The following GIGYF2 variants were observed in gnomAD, a reference collection of about 807,000 sequenced individuals.
GIGYF2 encodes the protein GRB10 interacting GYF protein 2, also known as GRB10-interacting GYF protein 2.
GIGYF2 carries 25 observed loss-of-function variants against 208.1 expected under a neutral mutation model. The ratio of observed to expected loss-of-function variants is 0.12; its 90% confidence interval spans 0.09 to 0.17. The LOEUF (loss-of-function observed/expected upper bound fraction) is 0.17. Among genes scored for constraint, GIGYF2 ranks in the 10% least tolerant of loss-of-function variants. The pLI is 1.00. For missense variants in GIGYF2, 1,302 were observed against 1,579.4 expected (o/e 0.82, Z 2.98); for synonymous variants, 534 against 543.8 (o/e 0.98, Z 0.25).
At position 232,810,471 on chromosome 2, in the gene GIGYF2, A is replaced by T. The variant is rs527603965; in HGVS notation, c.1898+660A>T. 3 of 153,462 alleles carry T rather than the reference A, an allele frequency of 2.0e-5. No individual in the cohort carries two copies. In the East Asian group the frequency reaches 5.8e-4, roughly 29 times the overall value. The allele number at this position is 153,462 out of a possible 1,614,324, so 9.5% of individuals were successfully genotyped here. A position where few individuals can be genotyped will look rare whatever the true frequency, so the allele number is the denominator to read the frequency against. The stretch of plus-strand genomic sequence containing the variant: ...GTTAATTATTTTAGGAGTGGTGTGG[A>T]ATGATGGCAAAGTCAGTCAGGTTTT... On this transcript the variant is annotated intron_variant, in intron 16 of 28. Coordinates refer to ENST00000373563, the MANE Select transcript of GIGYF2 (RefSeq NM_001103146.3).
At chr2:232,820,350 T>TG (rs1701040763) in intron 21 of GIGYF2, among the ~76,000 whole-genome samples, 1 of 150,050 alleles carries the variant, frequency 6.7e-6, no homozygotes, top group Non-Finnish European at 1.5e-5. Context: ...AGTCTCACTC[T>TG]GTCGCCCAGG....
chr2:232,729,631 A>G (rs1303863487), intron 2 of GIGYF2: 16 of 1,121,358 alleles, frequency 1.4e-5, no homozygotes, highest in Admixed American at 3.6e-5. Context: ...CAACTTCACA[A>G]CGTATTTGAA....
At chr2:232,712,419 C>A (rs186012028) in intron 2 of GIGYF2, among the ~76,000 whole-genome samples, 194 of 152,174 alleles carry the variant, frequency 1.3e-3, no homozygotes, top group African/African-American at 4.6e-3. Context: ...GTTTTTATTC[C>A]CTCGTCATGG....
chr2:232,804,285 GTCTA>G (rs145437443), intron 14 of GIGYF2, among the ~76,000 whole-genome samples: 47,835 of 151,036 alleles, frequency 0.32, 7,882 homozygotes, highest in South Asian at 0.62. Context: ...AACTTGGTAT[GTCTA>G]TCTGTGTTGT....
rs3062047 is a variant in GIGYF2, at chr2:232,781,287, TACACACACACAC to T, written c.533-5839_533-5828del. ...TATTTATTTTAAATTATATCAGGAA[TACACACACACAC>T]ACACACACACACACACACACACAAC... On this transcript the variant is annotated intron_variant, in intron 8 of 28. Transcript: ENST00000373563. 1.1e-3 allele frequency among the ~76,000 whole-genome samples: 137 copies of T among 127,116 alleles called. 3 individuals carry two copies. In the South Asian group the frequency reaches 0.036, roughly 33 times the overall value. 83.4% of individuals were successfully genotyped at this position (127,116 alleles called of 152,430 possible).
At chr2:232,735,059 G>A (rs762405297) in intron 2 of GIGYF2, 96 bp from the exon 3 acceptor site, 1 of 664,534 alleles carries the variant, frequency 1.5e-6, no homozygotes, top group Non-Finnish European at 2.7e-6. Context: ...CTAGTTGAGA[G>A]GAGCATAAAT....
At chr2:232,790,640 C>G (rs954884752) in intron 9 of GIGYF2, 58 bp from the exon 10 acceptor site, 1 of 1,361,184 alleles carries the variant, frequency 7.3e-7, no homozygotes, top group Non-Finnish European at 1.1e-6. Flanking sequence ...TCCTGATTTT[C>G]TTATTCAAAT....
At chr2:232,784,388 T>TTC (rs1553613385) in intron 8 of GIGYF2, among the ~76,000 whole-genome samples, 1 of 105,162 alleles carries the variant, frequency 9.5e-6, no homozygotes, top group Non-Finnish European at 1.8e-5. Context: ...AATAATTTCT[T>TTC]TTTTTTTTTT....
At chr2:232,742,272 G>A (rs998453636) in intron 3 of GIGYF2, among the ~76,000 whole-genome samples, 3 of 152,298 alleles carry the variant, frequency 2.0e-5, no homozygotes, top group Admixed American at 6.5e-5. Context: ...TGGGCGCAGT[G>A]GCTCACCCCT....
In GIGYF2 at chr2:232,815,689, C is replaced by G; in HGVS notation, c.2160C>G (p.Gly720=). 6.2e-7 allele frequency: 1 copy of G among 1,608,404 alleles called. No homozygotes were observed. Among genetic ancestry groups the G allele is most frequent in the Non-Finnish European group, 8.5e-7 (1 of 1,174,778 alleles). The change falls in exon 19 of 29, where the codon GGC becomes GGG. Residue 720 remains glycine, a synonymous_variant. Coordinates refer to ENST00000373563, the MANE Select transcript of GIGYF2 (RefSeq NM_001103146.3). The part of the protein sequence containing the change: ...WDLPLDTTTP[G]PALEQLQQLE... ...TTCCTCTGGACACCACGACACCAGG[C>G]CCTGCCCTGGAACAGCTTCAGCAGC...
intron 3 of GIGYF2, among the ~76,000 whole-genome samples, chr2:232,742,377 C>A (rs1272712056): frequency 1.3e-5 from 2 of 152,128 alleles, no homozygotes; most frequent in African/African-American, 4.8e-5. Context: ...CCCATCTCTA[C>A]TAAAAATACA....
chr2:232,742,146 A>G (rs1697991155), intron 3 of GIGYF2, among the ~76,000 whole-genome samples: 1 of 152,254 alleles, frequency 6.6e-6, no homozygotes, highest in African/African-American at 2.4e-5. Context: ...TTCATGATGC[A>G]TAATGTTTAC....
chr2:232,814,739 A>T (rs1007120146), intron 18 of GIGYF2, among the ~76,000 whole-genome samples: 1 of 152,194 alleles, frequency 6.6e-6, no homozygotes, highest in African/African-American at 2.4e-5. Flanking sequence ...AGCATTTTGG[A>T]TAATGGATCC....
At chr2:232,817,686 T>C (rs1170966042) in intron 20 of GIGYF2, among the ~76,000 whole-genome samples, 1 of 152,252 alleles carries the variant, frequency 6.6e-6, no homozygotes, top group African/African-American at 2.4e-5. Context: ...TTATTCATAT[T>C]GTAGCATATA....
intron 8 of GIGYF2, 64 bp from the exon 9 acceptor site, chr2:232,787,086 G>T: frequency 8.3e-7 from 1 of 1,199,092 alleles, no homozygotes; most frequent in Middle Eastern, 1.9e-4. Flanking sequence ...GAGCTGTGAA[G>T]TTTGTTTTCA....
At chr2:232,839,528 CT>C (rs1307111128) in intron 22 of GIGYF2, among the ~76,000 whole-genome samples, 1 of 152,084 alleles carries the variant, frequency 6.6e-6, no homozygotes, top group Non-Finnish European at 1.5e-5. Context: ...TTGTTTACTC[CT>C]CTTTATGGTT....
intron 21 of GIGYF2, among the ~76,000 whole-genome samples, chr2:232,826,896 A>C (rs1574929862): frequency 6.6e-6 from 1 of 152,194 alleles, no homozygotes; most frequent in Non-Finnish European, 1.5e-5. Context: ...AGCAACCACC[A>C]CCCTGATCAG....
At chr2:232,774,661 C>T (rs1169840006) in intron 8 of GIGYF2, among the ~76,000 whole-genome samples, 1 of 152,142 alleles carries the variant, frequency 6.6e-6, no homozygotes, top group East Asian at 1.9e-4. Context: ...TGTCATTCTC[C>T]ACTGTTGTTG....
chr2:232,752,571 C>T (rs1171038627), intron 5 of GIGYF2, among the ~76,000 whole-genome samples: 1 of 151,992 alleles, frequency 6.6e-6, no homozygotes, highest in Non-Finnish European at 1.5e-5. Context: ...GACAGAGTCT[C>T]ACTCTTTTGC....
Sources: allele counts gnomAD v4.1 joint callset (sites outside exome capture counted in the v4.1 genomes callset), GRCh38; gene constraint gnomAD v4.1.1; transcripts MANE v1.5; gene names NCBI Gene and HGNC (gene_info 2026-07-23, HGNC 2026-07-21).